SPATA6L: variants seen among roughly 807,000 people sequenced by gnomAD.
The protein encoded by SPATA6L is spermatogenesis associated 6-like protein.
Under a neutral mutation model 49.2 loss-of-function variants are expected in SPATA6L, and 68 were observed. The observed-to-expected ratio is 1.38, with a 90% confidence interval of 1.14 to 1.69. The LOEUF (loss-of-function observed/expected upper bound fraction) is 1.69. SPATA6L is among the 40% of genes most tolerant of loss of function. The pLI is 0.00. For missense variants in SPATA6L, 668 were observed against 464.3 expected, an observed-to-expected ratio of 1.44 and a Z score of -4.03; for synonymous variants, 198 against 165.7, an observed-to-expected ratio of 1.19 and a Z score of -1.50.
intron 13 of SPATA6L, among the ~76,000 whole-genome samples, chr9:4,591,536 C>A (rs1211516575): frequency 6.6e-6 from 1 of 152,198 alleles, no homozygotes; most frequent in Non-Finnish European, 1.5e-5. Context: ...ACTGGCTGAT[C>A]CATCCTCAAC....
At chr9:4,621,668 A>C (rs1829332027) in intron 7 of SPATA6L, among the ~76,000 whole-genome samples, 1 of 152,106 alleles carries the variant, frequency 6.6e-6, no homozygotes, top group Non-Finnish European at 1.5e-5. Flanking sequence ...TTGTATTTTT[A>C]GTAGAGATGG....
chr9:4,618,396 TG>T (rs1828509697), intron 8 of SPATA6L, among the ~76,000 whole-genome samples: 1 of 152,184 alleles, frequency 6.6e-6, no homozygotes, highest in African/African-American at 2.4e-5. Context: ...TAGGGATTAT[TG>T]GTCTGGGAAA....
chr9:4,622,085 A>G (rs548509448), intron 7 of SPATA6L, among the ~76,000 whole-genome samples: 4 of 152,284 alleles, frequency 2.6e-5, no homozygotes, highest in East Asian at 1.9e-4. Flanking sequence ...TTAGGCATCA[A>G]TGGTGACTTT....
intron 5 of SPATA6L, 186 bp downstream of exon 5, chr9:4,628,905 C>A: frequency 1.8e-6 from 1 of 567,480 alleles, no homozygotes; most frequent in Non-Finnish European, 3.1e-6. Flanking sequence ...ATGTACCAAA[C>A]ATACTCTAAT....
In SPATA6L at chr9:4,600,591, T is replaced by C. The variant is rs1822995760; in HGVS notation, c.*220A>G. ...AAACAAACATGCAAAAACACAAATT[T>C]TCCAGCTTGACAAGAAAATGTTAGC... On this transcript the variant is annotated 3_prime_UTR_variant, in exon 12 of 12. Transcript: ENST00000682582. 1.3e-5 allele frequency: 2 copies of C among 151,876 alleles called. No individual in the cohort carries two copies. Among genetic ancestry groups the C allele is most frequent in the Non-Finnish European group, 1.5e-5 (1 of 67,968 alleles). The allele number at this position is 151,876 out of a possible 1,614,324, so 9.4% of individuals were successfully genotyped here. A position where few individuals can be genotyped will look rare whatever the true frequency, so the allele number is the denominator to read the frequency against.
intron 9 of SPATA6L, among the ~76,000 whole-genome samples, chr9:4,611,060 CT>C (rs1338942371): frequency 6.7e-6 from 1 of 149,610 alleles, no homozygotes; most frequent in Non-Finnish European, 1.5e-5. Context: ...CTCATCATCA[CT>C]GGCCATCAGA....
rs1840879147 is a variant in SPATA6L, at chr9:4,666,445, G to A, written c.-195C>T. ...GGACGGGTCTCTCACACTCGAAGCT[G>A]GAGTGCAGGCTTCCAGAAGGCGGAA... On this transcript the variant is annotated 5_prime_UTR_variant, in exon 1 of 12. Coordinates refer to ENST00000682582, the MANE Select transcript of SPATA6L (RefSeq NM_001353486.2). 3.3e-6 allele frequency: 2 copies of A among 606,566 alleles called. No homozygotes were observed. Among genetic ancestry groups the A allele is most frequent in the East Asian group, 5.6e-5 (2 of 35,430 alleles). The allele number at this position is 606,566 out of a possible 1,614,324, so 37.6% of individuals were successfully genotyped here. A position where few individuals can be genotyped will look rare whatever the true frequency, so the allele number is the denominator to read the frequency against.
rs75566199 is a variant in SPATA6L at position 4,591,486 on chromosome 9, C to T, written c.*255-2525G>A. 9.8e-3 allele frequency among the ~76,000 whole-genome samples: 1,496 copies of T among 152,266 alleles called. 23 individuals carry two copies. Among genetic ancestry groups the T allele is most frequent in the African/African-American group, 0.034 (1,426 of 41,550 alleles). ...AGAGAAGTGCTACTGTATAAATTCACGTGATAAAAGAAGGCAATACCAGTC... is the reference window on the plus strand; with the variant it reads ...AGAGAAGTGCTACTGTATAAATTCATGTGATAAAAGAAGGCAATACCAGTC... On this transcript the variant is annotated intron_variant and NMD_transcript_variant, in intron 13 of 13. Transcript: ENST00000461761.
chr9:4,606,755 A>G (rs1327040770), intron 9 of SPATA6L, among the ~76,000 whole-genome samples: 3 of 147,496 alleles, frequency 2.0e-5, no homozygotes, highest in Non-Finnish European at 4.5e-5. Context: ...CTCCAAAGGA[A>G]TGCAGTTCCT....
rs375555608 is a variant in SPATA6L, at chr9:4,662,965, T to C, written c.40-929A>G. Reference sequence around the variant, plus strand: ...AGGCGCCGCCCGGCCCACAACCAGATGGACATGTTTGTCACTCTCTCGGTG... The same window carrying C: ...AGGCGCCGCCCGGCCCACAACCAGACGGACATGTTTGTCACTCTCTCGGTG... On this transcript the variant is annotated intron_variant, in intron 1 of 11. Coordinates refer to ENST00000682582, the MANE Select transcript of SPATA6L (RefSeq NM_001353486.2). This position sits in a 1 kb window ranked among gnomAD's most constrained non-coding sequence, Gnocchi z 4.9. 4 of 1,612,718 alleles carry C rather than the reference T, an allele frequency of 2.5e-6. No homozygotes were observed. Among genetic ancestry groups the C allele is most frequent in the Non-Finnish European group, 3.4e-6 (4 of 1,179,890 alleles).
intron 2 of SPATA6L, among the ~76,000 whole-genome samples, chr9:4,656,781 G>A (rs780246913): frequency 6.6e-6 from 1 of 152,152 alleles, no homozygotes; most frequent in African/African-American, 2.4e-5. Flanking sequence ...AGTGTTGTTT[G>A]ACTACCTAGA....
chr9:4,659,620 C>T (rs1028485328), intron 2 of SPATA6L, among the ~76,000 whole-genome samples: 2 of 152,258 alleles, frequency 1.3e-5, no homozygotes, highest in East Asian at 3.9e-4. Flanking sequence ...AATTTATAGA[C>T]TCAATGCCAT....
chr9:4,610,510 G>T (rs1217247939), intron 9 of SPATA6L, among the ~76,000 whole-genome samples: 1 of 138,726 alleles, frequency 7.2e-6, no homozygotes, highest in Non-Finnish European at 1.6e-5. Flanking sequence ...ACAACTATCT[G>T]ATCTTTGACA....
Position 4,662,197 on chromosome 9 carries a change from C to T in SPATA6L, c.40-161G>A. 6 of 1,440,524 alleles carry T rather than the reference C, an allele frequency of 4.2e-6. No homozygotes were observed. Among genetic ancestry groups the T allele is most frequent in the Non-Finnish European group, 5.4e-6 (6 of 1,101,574 alleles). The allele number at this position is 1,440,524 out of a possible 1,614,324, so 89.2% of individuals were successfully genotyped here. A position where few individuals can be genotyped will look rare whatever the true frequency, so the allele number is the denominator to read the frequency against. Reference sequence around the variant, plus strand: ...CCCAACGCCAACATCCTCCCCTCTGCTCTCCTCACATTGGAAATTCCAACT... The same window carrying T: ...CCCAACGCCAACATCCTCCCCTCTGTTCTCCTCACATTGGAAATTCCAACT... On this transcript the variant is annotated intron_variant, in intron 1 of 11. Transcript: ENST00000682582. The surrounding 1 kb of genome is among the most constrained non-coding windows in gnomAD (Gnocchi z 4.9).
At chr9:4,606,903 T>C (rs1410860877) in intron 9 of SPATA6L, among the ~76,000 whole-genome samples, 1 of 141,722 alleles carries the variant, frequency 7.1e-6, no homozygotes, top group Non-Finnish European at 1.5e-5. Flanking sequence ...TGAAAAAAAT[T>C]TAGAAGAATG....
intron 7 of SPATA6L, among the ~76,000 whole-genome samples, chr9:4,620,404 T>C (rs1378709479): frequency 6.6e-6 from 1 of 152,182 alleles, no homozygotes; most frequent in East Asian, 1.9e-4. Context: ...GTGCAGTCCA[T>C]AGACCAGCAG....
At chr9:4,661,503 T>G (rs1839731586) in intron 2 of SPATA6L, among the ~76,000 whole-genome samples, 2 of 142,122 alleles carry the variant, frequency 1.4e-5, no homozygotes, top group African/African-American at 5.3e-5. Flanking sequence ...TTAACTAATT[T>G]CATTATTTTT....
rs935653660 is a variant in SPATA6L at position 4,605,913 on chromosome 9, C to T, written c.996-473G>A. ...CATCTGAGGTAGCGGGTTCATCTCA[C>T]TAGGGAGTGCCAGACAGTGGGCGCA... On this transcript the variant is annotated intron_variant, in intron 9 of 11. Transcript: ENST00000682582. 2.6e-5 allele frequency among the ~76,000 whole-genome samples: 4 copies of T among 152,300 alleles called. No individual in the cohort carries two copies. In the South Asian group the frequency reaches 8.3e-4, roughly 32 times the overall value.
At chr9:4,605,816 G>A (rs918534489) in intron 9 of SPATA6L, among the ~76,000 whole-genome samples, 8 of 152,136 alleles carry the variant, frequency 5.3e-5, no homozygotes, top group Non-Finnish European at 1.2e-4. Flanking sequence ...AGCCAAGATG[G>A]CCGAATAGGA....
Sources: gnomAD v4.1 joint callset for allele counts (sites outside exome capture counted in the v4.1 genomes callset) on GRCh38, gnomAD v4.1.1 for gene constraint, Gnocchi (gnomAD v3.1) non-coding constraint, MANE v1.5 for transcripts, NCBI Gene and HGNC (gene_info 2026-07-23, HGNC 2026-07-21) for gene names.